ZNF679: variants seen among roughly 807,000 people sequenced by gnomAD.
The protein encoded by ZNF679 is hypothetical protein MGC42415.
ZNF679 carries 10 observed loss-of-function variants against 13.4 expected under a neutral mutation model. The observed-to-expected ratio is 0.75, with a 90% confidence interval of 0.46 to 1.27. The LOEUF is 1.27. ZNF679 is among the 50% of genes most tolerant of loss of function. The pLI is 0.00. For missense variants in ZNF679, 525 were observed against 477.8 expected (o/e 1.10, Z -0.92); for synonymous variants, 179 against 162.5 (o/e 1.10, Z -0.77).
intron 1 of ZNF679, among the ~76,000 whole-genome samples, chr7:64,244,345 A>G (rs966811260): frequency 7.3e-4 from 111 of 152,348 alleles, no homozygotes; most frequent in African/African-American, 2.5e-3. Context: ...GACTTTAGCC[A>G]TGCCAAACTG....
At chr7:64,236,268 A>T (rs1430233476) in intron 1 of ZNF679, among the ~76,000 whole-genome samples, 1 of 152,160 alleles carries the variant, frequency 6.6e-6, no homozygotes, top group Non-Finnish European at 1.5e-5. Context: ...CTGTCAAAAA[A>T]AAGGAGTAAA....
chr7:64,234,806 T>C (rs899879986), intron 1 of ZNF679, among the ~76,000 whole-genome samples: 20 of 152,178 alleles, frequency 1.3e-4, no homozygotes, highest in Non-Finnish European at 2.8e-4. Context: ...AGTGGTGACC[T>C]CAGCAGCACT....
At chr7:64,239,503 T>C (rs1363276141) in intron 1 of ZNF679, among the ~76,000 whole-genome samples, 1 of 152,156 alleles carries the variant, frequency 6.6e-6, no homozygotes. Context: ...GTCCTTCTGG[T>C]CTCAACACAC....
At chr7:64,248,447 A>G (rs1787897662) in intron 1 of ZNF679, among the ~76,000 whole-genome samples, 1 of 151,976 alleles carries the variant, frequency 6.6e-6, no homozygotes, top group Non-Finnish European at 1.5e-5. Context: ...CACCCTGGCT[A>G]AGTTTTGTAT....
intron 1 of ZNF679, among the ~76,000 whole-genome samples, chr7:64,232,836 A>G (rs1043768832): frequency 1.3e-5 from 2 of 152,156 alleles, no homozygotes; most frequent in Non-Finnish European, 2.9e-5. Flanking sequence ...GGGCTCAGAA[A>G]TATGTTTCAC....
At chr7:64,242,212 T>A (rs1377105900) in intron 1 of ZNF679, among the ~76,000 whole-genome samples, 2 of 152,174 alleles carry the variant, frequency 1.3e-5, no homozygotes, top group Non-Finnish European at 2.9e-5. Context: ...GAGTGTGAGA[T>A]TCAGGACATT....
intron 2 of ZNF679, among the ~76,000 whole-genome samples, chr7:64,258,618 T>C (rs1788035868): frequency 6.6e-6 from 1 of 151,584 alleles, no homozygotes. Flanking sequence ...GGATAATTGC[T>C]TGAACCTAGG....
At chr7:64,245,174 C>G (rs1414870889) in intron 1 of ZNF679, among the ~76,000 whole-genome samples, 1 of 152,094 alleles carries the variant, frequency 6.6e-6, no homozygotes, top group East Asian at 1.9e-4. Flanking sequence ...CTACAGGCAC[C>G]CACCACCACC....
chr7:64,262,018 G>A (rs550692950), intron 4 of ZNF679, among the ~76,000 whole-genome samples: 183 of 151,970 alleles, frequency 1.2e-3, no homozygotes, highest in Non-Finnish European at 1.8e-3. Flanking sequence ...CACCATGCCT[G>A]GCTAATTTTG....
intron 2 of ZNF679, among the ~76,000 whole-genome samples, chr7:64,252,151 C>A (rs1787951740): frequency 6.6e-6 from 1 of 152,176 alleles, no homozygotes; most frequent in African/African-American, 2.4e-5. Context: ...GAATGGTTGT[C>A]ATTGAGCATT....
At chr7:64,241,188 G>C (rs1401453539) in intron 1 of ZNF679, among the ~76,000 whole-genome samples, 3 of 152,294 alleles carry the variant, frequency 2.0e-5, no homozygotes, top group Non-Finnish European at 4.4e-5. Flanking sequence ...AGTCATAATA[G>C]TCTGTGACCA....
At chr7:64,242,906 T>TC (rs1247916000) in intron 1 of ZNF679, among the ~76,000 whole-genome samples, 2 of 152,174 alleles carry the variant, frequency 1.3e-5, no homozygotes, top group Non-Finnish European at 2.9e-5. Context: ...CAGCTATGAC[T>TC]CACCACCTGA....
At chr7:64,241,463 G>A (rs1459565229) in intron 1 of ZNF679, among the ~76,000 whole-genome samples, 1 of 152,164 alleles carries the variant, frequency 6.6e-6, no homozygotes, top group Non-Finnish European at 1.5e-5. Context: ...CTAGGTGGTG[G>A]GCCCAGCGAT....
At chr7:64,231,938 G>A (rs17139219) in intron 1 of ZNF679, among the ~76,000 whole-genome samples, 5,450 of 152,308 alleles carry the variant, frequency 0.036, 173 homozygotes, top group East Asian at 0.16. Context: ...GGGAGTCAAC[G>A]TCTCCTGTGA....
At chr7:64,257,077 ATTTGAAGTTAG>A (rs1171953575) in intron 2 of ZNF679, among the ~76,000 whole-genome samples, 2 of 152,170 alleles carry the variant, frequency 1.3e-5, no homozygotes, top group Admixed American at 6.6e-5. Flanking sequence ...GTTTGAAGTT[ATTTGAAGTTAG>A]TTTGAAGTTA....
intron 2 of ZNF679, among the ~76,000 whole-genome samples, chr7:64,251,054 A>C (rs941036849): frequency 6.6e-6 from 1 of 152,206 alleles, no homozygotes; most frequent in Non-Finnish European, 1.5e-5. Context: ...TTTCAGACAC[A>C]GTACTTACAC....
At chr7:64,246,504 C>T (rs1335004133) in intron 1 of ZNF679, among the ~76,000 whole-genome samples, 1 of 152,026 alleles carries the variant, frequency 6.6e-6, no homozygotes, top group Non-Finnish European at 1.5e-5. Flanking sequence ...GGGCAGATCA[C>T]TTGAGGTCAG....
At position 64,260,161 on chromosome 7, in the gene ZNF679, C is replaced by T; in HGVS notation, c.40-60C>T. ...GTCAAATAAAAATCTCTGCCTACGG[C>T]CACATAGTAAGTGTTTGTGTGTTCA... On this transcript the variant is annotated intron_variant, in intron 2 of 4. Coordinates refer to ENST00000421025, the MANE Select transcript of ZNF679 (RefSeq NM_153363.3). The T allele has an allele frequency of 2.0e-6, 3 of 1,469,468 alleles. No homozygotes were observed. The Admixed American group carries it at 6.5e-5, about 32-fold the overall frequency. The allele number at this position is 1,469,468 out of a possible 1,614,324, so 91.0% of individuals were successfully genotyped here. A position where few individuals can be genotyped will look rare whatever the true frequency, so the allele number is the denominator to read the frequency against.
chr7:64,238,962 C>T (rs945916397), intron 1 of ZNF679, among the ~76,000 whole-genome samples: 10 of 152,042 alleles, frequency 6.6e-5, no homozygotes, highest in African/African-American at 2.4e-4. Context: ...GGGTAAGGTC[C>T]TGGGTCTTCT....
Sources: allele counts gnomAD v4.1 joint callset (sites outside exome capture counted in the v4.1 genomes callset), GRCh38; gene constraint gnomAD v4.1.1; transcripts MANE v1.5; gene names NCBI Gene and HGNC (gene_info 2026-07-23, HGNC 2026-07-21).